Variants in STK4 observed in about 807,000 individuals in gnomAD.
STK4 encodes the protein serine/threonine-protein kinase 4.
A neutral mutation model predicts 64.9 loss-of-function variants in STK4; 30 were observed. That is an observed-to-expected ratio of 0.46 (90% CI 0.35 to 0.63). The LOEUF (loss-of-function observed/expected upper bound fraction) is 0.63. Among genes scored for constraint, STK4 ranks in the 20% least tolerant of loss-of-function variants. The probability of loss-of-function intolerance (pLI) is 0.01; values close to 1 mark genes in which losing one functional copy is unlikely to be tolerated. For synonymous variants in STK4, 177 were observed against 199.0 expected, an observed-to-expected ratio of 0.89 and a Z score of 0.93; for missense variants, 466 against 598.5, an observed-to-expected ratio of 0.78 and a Z score of 2.31.
At chr20:44,973,874 C>G (rs1034008384) in intron 2 of STK4, among the ~76,000 whole-genome samples, 1 of 152,130 alleles carries the variant, frequency 6.6e-6, no homozygotes, top group Non-Finnish European at 1.5e-5. Flanking sequence ...TATTGCTATT[C>G]TATTTTAAAT....
intron 10 of STK4, 104 bp from the exon 11 acceptor site, chr20:45,074,914 C>T: frequency 7.1e-7 from 1 of 1,407,446 alleles, no homozygotes; most frequent in African/African-American, 1.4e-5. Context: ...CAGTGTCTTC[C>T]TCCTGTCTCC....
chr20:45,029,699 C>G (rs2068411608), intron 10 of STK4, among the ~76,000 whole-genome samples: 1 of 152,190 alleles, frequency 6.6e-6, no homozygotes, highest in South Asian at 2.1e-4. Flanking sequence ...CCCAGGCAGA[C>G]TGAATAGGAA....
At chr20:45,061,282 C>T (rs1978973829) in intron 10 of STK4, among the ~76,000 whole-genome samples, 6 of 152,162 alleles carry the variant, frequency 3.9e-5, no homozygotes, top group Admixed American at 2.6e-4. Flanking sequence ...TTTTTAATTA[C>T]GGTAGCTCCC....
At position 44,978,463 on chromosome 20, in the gene STK4, A is replaced by C; in HGVS notation, c.137A>C (p.Lys46Thr). The change falls in exon 3 of 11, where the codon AAA becomes ACA. Residue 46 changes from lysine (K) to threonine (T), a missense_variant. Physicochemically the swap from Lys to Thr is moderately conservative, Grantham distance 78 (BLOSUM62 -1). Coordinates refer to ENST00000372806, the MANE Select transcript of STK4 (RefSeq NM_006282.5). ...LGEGSYGSVYKAIHKETGQIV... is the reference protein window; with the variant it reads ...LGEGSYGSVYTAIHKETGQIV... ...TATAGGTCCTATGGCAGCGTATACA[A>C]AGCTATTCATAAAGAGACCGGCCAG... The C allele has an allele frequency of 6.2e-7, 1 of 1,614,052 alleles. No individual in the cohort carries two copies. The highest frequency in any genetic ancestry group is 2.2e-5 in the East Asian group (1 of 44,858).
In STK4 at chr20:45,046,360, A is replaced by C. The variant is rs149643556; in HGVS notation, c.1305+21230A>C. On this transcript the variant is annotated intron_variant, in intron 10 of 10. Transcript: ENST00000372806. Reference sequence around the variant, plus strand: ...TGAGGCAGAAGGATCGTTTGAGCCCAGGAAGTTGAGGCTGCAGCAAGCCAT... The same window carrying C: ...TGAGGCAGAAGGATCGTTTGAGCCCCGGAAGTTGAGGCTGCAGCAAGCCAT... Among the ~76,000 whole-genome samples the C allele has an allele frequency of 1.8e-3, 266 of 151,758 alleles. 2 individuals are homozygous for C. Among genetic ancestry groups the C allele is most frequent in the African/African-American group, 6.2e-3 (255 of 41,444 alleles).
intron 10 of STK4, among the ~76,000 whole-genome samples, chr20:45,028,109 C>T (rs1048129658): frequency 1.3e-5 from 2 of 152,126 alleles, no homozygotes; most frequent in Non-Finnish European, 2.9e-5. Context: ...GATTTCCTTT[C>T]TTTTGGATAT....
Position 44,981,397 on chromosome 20 carries a change from C to T in STK4, c.246-432C>T, listed in dbSNP as rs540065012. Among the ~76,000 whole-genome samples, 9 of 152,104 alleles carry T rather than the reference C, an allele frequency of 5.9e-5. No individual in the cohort carries two copies. The South Asian group carries it at 1.0e-3, about 18-fold the overall frequency. On this transcript the variant is annotated intron_variant, in intron 3 of 10. Transcript: ENST00000372806. ...CACGAACTCCTGAGCTCAGGCAATC[C>T]GCCCGCATCGGCCTCCCAAAGTGTT...
chr20:45,073,819 A>G (rs1980287505), intron 10 of STK4, among the ~76,000 whole-genome samples: 1 of 152,188 alleles, frequency 6.6e-6, no homozygotes, highest in Non-Finnish European at 1.5e-5. Flanking sequence ...AGAGAGGCTT[A>G]TAACACCCAT....
intron 4 of STK4, among the ~76,000 whole-genome samples, chr20:44,985,430 G>A (rs1568690566): frequency 6.6e-6 from 1 of 152,022 alleles, no homozygotes; most frequent in Non-Finnish European, 1.5e-5. Context: ...TGCAATCTCC[G>A]CCTCCCGGGT....
intron 9 of STK4, among the ~76,000 whole-genome samples, chr20:45,002,449 CTG>C (rs1251062930): frequency 6.6e-6 from 1 of 152,274 alleles, no homozygotes; most frequent in East Asian, 1.9e-4. Flanking sequence ...ATGAAGAGAA[CTG>C]TTTAAAAACC....
At position 45,062,989 on chromosome 20, in the gene STK4, C is replaced by CTTTTTTTTTTTTTTT. The variant is rs71197599; in HGVS notation, c.1306-12013_1306-11999dup. Among the ~76,000 whole-genome samples the CTTTTTTTTTTTTTTT allele has an allele frequency of 9.5e-4, 30 of 31,500 alleles. 9 individuals carry two copies. The highest frequency in any genetic ancestry group is 1.2e-3 in the Non-Finnish European group (20 of 17,128). The allele number at this position is 31,500 out of a possible 152,430, so 20.7% of individuals were successfully genotyped here. Reference sequence around the variant, plus strand: ...ACAGGTGTGAGCCACCGCACCCGGCCTTTTTTTTTTTTTTTTTTTTTTTTT... The same window carrying CTTTTTTTTTTTTTTT: ...ACAGGTGTGAGCCACCGCACCCGGCCTTTTTTTTTTTTTTTTTTTTTTTTTTTTTTTTTTTTTTTT... On this transcript the variant is annotated intron_variant, in intron 10 of 10. Coordinates refer to ENST00000372806, the MANE Select transcript of STK4 (RefSeq NM_006282.5).
At chr20:44,994,490 T>C (rs2067691918) in intron 5 of STK4, among the ~76,000 whole-genome samples, 1 of 149,028 alleles carries the variant, frequency 6.7e-6, no homozygotes, top group African/African-American at 2.5e-5. Context: ...ATATATCTTC[T>C]TTTTTTTTTC....
At chr20:45,065,631 A>G (rs71339819) in intron 10 of STK4, among the ~76,000 whole-genome samples, 1 of 151,650 alleles carries the variant, frequency 6.6e-6, no homozygotes, top group African/African-American at 2.4e-5. Flanking sequence ...CTGGTTCTAC[A>G]TTTTGTAGCT....
At chr20:45,051,235 T>C (rs753307987) in intron 10 of STK4, among the ~76,000 whole-genome samples, 1 of 152,186 alleles carries the variant, frequency 6.6e-6, no homozygotes, top group Non-Finnish European at 1.5e-5. Flanking sequence ...CCAAGCAAAA[T>C]TGATTGTTTC....
At position 45,061,596 on chromosome 20, in the gene STK4, A is replaced by T. The variant is rs867032906; in HGVS notation, c.1306-13422A>T. On this transcript the variant is annotated intron_variant, in intron 10 of 10. Coordinates refer to ENST00000372806, the MANE Select transcript of STK4 (RefSeq NM_006282.5). ...CCTTTTGTTTTATTTTAGTATGGAA[A>T]TTTTTTTTTTTTTTTTTACTTTTAG... Among the ~76,000 whole-genome samples, 514 of 141,024 alleles carry T rather than the reference A, an allele frequency of 3.6e-3. 6 individuals are homozygous for T. Among genetic ancestry groups the T allele is most frequent in the Middle Eastern group, 7.1e-3 (2 of 282 alleles). The allele number at this position is 141,024 out of a possible 152,430, so 92.5% of individuals were successfully genotyped here.
chr20:45,057,740 A>G (rs1212561694), intron 10 of STK4, among the ~76,000 whole-genome samples: 2 of 152,212 alleles, frequency 1.3e-5, no homozygotes, highest in African/African-American at 2.4e-5. Flanking sequence ...CTGAGCCTAG[A>G]TGAGCTTACT....
intron 10 of STK4, among the ~76,000 whole-genome samples, chr20:45,044,624 C>T (rs745491021): frequency 3.9e-5 from 6 of 152,108 alleles, no homozygotes; most frequent in Non-Finnish European, 5.9e-5. Context: ...CACTACACTC[C>T]AGTCTGGGCA....
intron 4 of STK4, among the ~76,000 whole-genome samples, chr20:44,983,707 T>C (rs2145657155): frequency 6.6e-6 from 1 of 152,296 alleles, no homozygotes; most frequent in Non-Finnish European, 1.5e-5. Flanking sequence ...CTGTGGTTTT[T>C]TTGTCTTAAT....
chr20:45,002,135 C>G (rs1297119647), intron 9 of STK4, among the ~76,000 whole-genome samples: 1 of 152,062 alleles, frequency 6.6e-6, no homozygotes, highest in African/African-American at 2.4e-5. Flanking sequence ...AGCTACTGAC[C>G]TCTAGTTATT....
Sources: allele counts gnomAD v4.1 joint callset (sites outside exome capture counted in the v4.1 genomes callset), GRCh38; gene constraint gnomAD v4.1.1; transcripts MANE v1.5; gene names NCBI Gene and HGNC (gene_info 2026-07-23, HGNC 2026-07-21).